The following GATA2 variants were observed in gnomAD, a reference collection of about 807,000 sequenced individuals.
GATA2 encodes GATA binding protein 2, also known as endothelial transcription factor GATA-2.
A neutral mutation model predicts 35.7 loss-of-function variants in GATA2; 6 were observed. The observed-to-expected ratio is 0.17, with a 90% CI of 0.09 to 0.33. The LOEUF (loss-of-function observed/expected upper bound fraction) is 0.33, where lower values mean the gene tolerates loss of function less well. Among genes scored for constraint, GATA2 ranks in the 10% least tolerant of loss-of-function variants. The pLI is 1.00. For synonymous variants in GATA2, 313 were observed against 274.9 expected (o/e 1.14, Z -1.37); for missense variants, 541 against 656.6 (o/e 0.82, Z 1.92).
chr3:128,486,527 G>A (rs1426323287), intron 2 of GATA2, among the ~76,000 whole-genome samples, 159 bp from the exon 3 acceptor site: 13 of 152,062 alleles, frequency 8.5e-5, no homozygotes, highest in African/African-American at 3.1e-4. Flanking sequence ...GTAATAATCA[G>A]GAATGTCAGT....
At chr3:128,485,397 A>G (rs149061929) in intron 3 of GATA2, among the ~76,000 whole-genome samples, 1 of 152,092 alleles carries the variant, frequency 6.6e-6, no homozygotes, top group Non-Finnish European at 1.5e-5. Flanking sequence ...TTCACATACT[A>G]AGTCCTGAGG....
At chr3:128,491,220 C>G (rs1011234889) in intron 1 of GATA2, among the ~76,000 whole-genome samples, 5 of 112,212 alleles carry the variant, frequency 4.5e-5, no homozygotes, top group African/African-American at 1.9e-4. Flanking sequence ...CCCCCCCCCC[C>G]TCTGAGCCCT....
chr3:128,487,002 C>A lies in GATA2; in HGVS notation c.30G>T (p.Trp10Cys), dbSNP rs367785289. 1.4e-4 allele frequency: 232 copies of A among 1,602,796 alleles called. No homozygotes were observed. Among genetic ancestry groups the A allele is most frequent in the Non-Finnish European group, 1.9e-4 (221 of 1,174,988 alleles). MEVAPEQPRWMAHPAVLNAQ... is the reference protein window; with the variant it reads MEVAPEQPRCMAHPAVLNAQ... ...CATTCAGCACGGCCGGGTGCGCCAT[C>A]CAGCGCGGCTGCTCGGGCGCCACCT... The change falls in exon 2 of 6, where the codon TGG becomes TGT. Residue 10 changes from tryptophan (W) to cysteine (C), a missense_variant. By Grantham distance (215) the Trp-to-Cys change is radical. This residue lies in a region of GATA2 where 389 missense variants were observed against 396.9 expected (regional missense o/e 0.98). Coordinates refer to ENST00000341105, the MANE Select transcript of GATA2 (RefSeq NM_032638.5).
At chr3:128,485,653 C>T in intron 3 of GATA2, 74 bp downstream of exon 3, 1 of 1,546,730 alleles carries the variant, frequency 6.5e-7, no homozygotes, top group Non-Finnish European at 8.8e-7. Context: ...TGCCACCTCT[C>T]CCAAGTCACA....
At chr3:128,486,714 C>A (rs2068704347) in intron 2 of GATA2, 89 bp downstream of exon 2, 1 of 1,280,280 alleles carries the variant, frequency 7.8e-7, no homozygotes, top group Non-Finnish European at 1.1e-6. Context: ...GCGGATCCTA[C>A]ATCCGGGAAG....
rs2068739253 is a variant in GATA2, at chr3:128,488,761, G to A, written c.-45-1685C>T. The stretch of plus-strand genomic sequence containing the variant: ...GGGGAGGCGGTGGTCTGAGGTCTCC[G>A]TCTTCTAAGTCACCTGGAAGTGCTC... On this transcript the variant is annotated intron_variant, in intron 1 of 5. Coordinates refer to ENST00000341105, the MANE Select transcript of GATA2 (RefSeq NM_032638.5). The surrounding 1 kb of genome is among the most constrained non-coding windows in gnomAD (Gnocchi z 5.8). Among the ~76,000 whole-genome samples the A allele has an allele frequency of 6.6e-6, 1 of 152,040 alleles. No homozygotes were observed. Among genetic ancestry groups the A allele is most frequent in the Non-Finnish European group, 1.5e-5 (1 of 67,976 alleles).
Position 128,485,776 on chromosome 3 carries a change from C to T in GATA2, c.822G>A (p.Pro274=), listed in dbSNP as rs772881173. 3.1e-6 allele frequency: 5 copies of T among 1,613,952 alleles called. No homozygotes were observed. The South Asian group carries it at 3.3e-5, about 11-fold the overall frequency. Residue 274 remains proline (P), a synonymous_variant, in exon 3 of 6, where the codon CCG becomes CCA. Transcript: ENST00000341105. ...LFHPGGFLGG[P]ASSFTPKQRS... is the part of the protein sequence containing the mutation. Reference sequence around the variant, plus strand: ...GCTGCTTAGGGGTGAAGCTGGAGGCCGGTCCCCCCAGGAAGCCTCCGGGGT... The same window carrying T: ...GCTGCTTAGGGGTGAAGCTGGAGGCTGGTCCCCCCAGGAAGCCTCCGGGGT...
At position 128,486,052 on chromosome 3, in the gene GATA2, A is replaced by T; in HGVS notation, c.546T>A (p.Ser182=). ...CAGCCCCCGTGGTGCTAGGGTCAGG[A>T]GACACTTCTTTGGGTGGCGTGGGTG... ...GFPPTPPKEV[S]PDPSTTGAAS... The change falls in exon 3 of 6, where the codon TCT becomes TCA. Residue 182 remains serine, a synonymous_variant. Transcript: ENST00000341105. The T allele has an allele frequency of 6.2e-7, 1 of 1,613,598 alleles. No homozygotes were observed. The highest frequency in any genetic ancestry group is 8.5e-7 in the Non-Finnish European group (1 of 1,179,694).
intron 1 of GATA2, chr3:128,489,580 G>A (rs966596606): frequency 6.6e-6 from 1 of 152,136 alleles, no homozygotes; most frequent in Non-Finnish European, 1.5e-5. Flanking sequence ...CTGCGGGAGC[G>A]GAGGCCGGCG....
At chr3:128,491,208 G>GCCCCCCCCCCCCCCCCCC (rs373070119) in intron 1 of GATA2, among the ~76,000 whole-genome samples, 1 of 107,390 alleles carries the variant, frequency 9.3e-6, no homozygotes, top group Non-Finnish European at 1.9e-5. Flanking sequence ...CGGCCGTCCA[G>GCCCCCCCCCCCCCCCCCC]CCCCCCCCCC....
chr3:128,485,235 G>A (rs1378575297), intron 3 of GATA2, among the ~76,000 whole-genome samples: 5 of 152,282 alleles, frequency 3.3e-5, no homozygotes, highest in African/African-American at 1.2e-4. Context: ...GAAATCCCAA[G>A]ATCAGACTGA....
At chr3:128,482,076 A>G (rs780942424) in intron 4 of GATA2, 132 bp from the exon 5 acceptor site, 23 of 1,127,966 alleles carry the variant, frequency 2.0e-5, no homozygotes, top group Admixed American at 2.6e-5. Context: ...GAATCAAAGC[A>G]TCTCAGAACC....
chr3:128,488,975 G>T lies in GATA2; in HGVS notation c.-45-1899C>A, dbSNP rs2068741233. Among the ~76,000 whole-genome samples the T allele has an allele frequency of 6.6e-6, 1 of 152,104 alleles. No homozygotes were observed. The highest frequency in any genetic ancestry group is 1.5e-5 in the Non-Finnish European group (1 of 68,008). ...TGCCGAGTACTGGGGGGACTCAACAGCGTCCTCCAGCCCTCTTCCCTGTTG... is the reference window on the plus strand; with the variant it reads ...TGCCGAGTACTGGGGGGACTCAACATCGTCCTCCAGCCCTCTTCCCTGTTG... On this transcript the variant is annotated intron_variant, in intron 1 of 5. Coordinates refer to ENST00000341105, the MANE Select transcript of GATA2 (RefSeq NM_032638.5). This position sits in a 1 kb window ranked among gnomAD's most constrained non-coding sequence, Gnocchi z 5.8.
chr3:128,491,171 G>A (rs2107676752), intron 1 of GATA2, among the ~76,000 whole-genome samples: 1 of 150,786 alleles, frequency 6.6e-6, no homozygotes, highest in East Asian at 2.0e-4. Context: ...GGTGCCAGGT[G>A]GGGACACAGA....
In GATA2 at chr3:128,480,608, CGAGG is replaced by C; in HGVS notation, c.*407_*410del. 2 of 273,110 alleles carry C rather than the reference CGAGG, an allele frequency of 7.3e-6. No homozygotes were observed. Among genetic ancestry groups the C allele is most frequent in the Non-Finnish European group, 1.4e-5 (2 of 144,568 alleles). The allele number at this position is 273,110 out of a possible 1,614,324, so 16.9% of individuals were successfully genotyped here. Reference sequence around the variant, plus strand: ...CCCTGGCAAGTGGACCCGCCAATCCCGAGGAAGAACCGGAGGACTTGGGACAGCT... The same window carrying C: ...CCCTGGCAAGTGGACCCGCCAATCCCAAGAACCGGAGGACTTGGGACAGCT... On this transcript the variant is annotated 3_prime_UTR_variant, in exon 6 of 6. Transcript: ENST00000341105.
At chr3:128,482,172 C>T in intron 4 of GATA2, 1 of 594,356 alleles carries the variant, frequency 1.7e-6, no homozygotes, top group Non-Finnish European at 2.9e-6. Context: ...ATGTTAGAAT[C>T]AACGGGATTG....
In GATA2 at chr3:128,480,760, A is replaced by G. The variant is rs1282285406; in HGVS notation, c.*259T>C. 8.1e-6 allele frequency: 4 copies of G among 492,260 alleles called. No homozygotes were observed. The highest frequency in any genetic ancestry group is 1.1e-5 in the Non-Finnish European group (3 of 281,094). The allele number at this position is 492,260 out of a possible 1,614,324, so 30.5% of individuals were successfully genotyped here. On this transcript the variant is annotated 3_prime_UTR_variant, in exon 6 of 6. Transcript: ENST00000341105. The stretch of plus-strand genomic sequence containing the variant: ...TCCCGTCCCCTCCTTTTCTCTACAT[A>G]AAGTTGTCCTTGTTGTTCTCCAAAC...
intron 4 of GATA2, 122 bp from the exon 5 acceptor site, chr3:128,482,066 G>T: frequency 8.1e-7 from 1 of 1,239,546 alleles, no homozygotes; most frequent in Non-Finnish European, 1.1e-6. Context: ...TCTCACATGG[G>T]AATCAAAGCA....
chr3:128,491,836 C>A (rs1441250881), intron 1 of GATA2, among the ~76,000 whole-genome samples: 1 of 152,196 alleles, frequency 6.6e-6, no homozygotes, highest in Admixed American at 6.5e-5. Context: ...CGGAGACAAT[C>A]GGGCCGTGCT....
Sources: gnomAD v4.1 joint callset for allele counts (sites outside exome capture counted in the v4.1 genomes callset) on GRCh38, gnomAD v4.1.1 for gene constraint, gnomAD v4.1.1 regional missense constraint, Gnocchi (gnomAD v3.1) non-coding constraint, MANE v1.5 for transcripts, NCBI Gene and HGNC (gene_info 2026-07-23, HGNC 2026-07-21) for gene names.